The following EMP2 variants were observed in gnomAD, a reference collection of about 807,000 sequenced individuals.
The protein encoded by EMP2 is epithelial membrane protein 2.
A neutral mutation model predicts 13.7 loss-of-function variants in EMP2; 19 were observed. The observed-to-expected ratio is 1.38, with a 90% CI of 0.97 to 2.03. The LOEUF is 2.03. EMP2 is among the 30% of genes most tolerant of loss of function. The pLI is 0.00. For missense variants in EMP2, 253 were observed against 220.7 expected, an observed-to-expected ratio of 1.15 and a Z score of -0.93; for synonymous variants, 97 against 84.7, an observed-to-expected ratio of 1.15 and a Z score of -0.80.
At chr16:10,540,435 G>T (rs2050685739) in intron 3 of EMP2, among the ~76,000 whole-genome samples, 1 of 152,122 alleles carries the variant, frequency 6.6e-6, no homozygotes, top group Non-Finnish European at 1.5e-5. Context: ...GAACCCAGAA[G>T]GCGGGGACTG....
chr16:10,573,025 G>A (rs2050958418), intron 1 of EMP2, among the ~76,000 whole-genome samples: 1 of 152,128 alleles, frequency 6.6e-6, no homozygotes, highest in African/African-American at 2.4e-5. Context: ...GAAAGGGAGT[G>A]GTCAGCATGG....
At chr16:10,574,830 G>A (rs1048755298) in intron 1 of EMP2, among the ~76,000 whole-genome samples, 5 of 152,178 alleles carry the variant, frequency 3.3e-5, no homozygotes, top group South Asian at 4.2e-4. Context: ...GATTATAGGC[G>A]TGAGCCACCG....
rs61122473 is a variant in EMP2 at position 10,543,833 on chromosome 16, G to A, written c.79-173C>T. ...ACTGACTCAGGAGGTCTGGGGTGGG[G>A]ACTGGGATTCTGCATTTCTTTCTTT... On this transcript the variant is annotated intron_variant, in intron 2 of 4. Coordinates refer to ENST00000359543, the MANE Select transcript of EMP2 (RefSeq NM_001424.6). Among the ~76,000 whole-genome samples, 11,869 of 152,166 alleles carry A rather than the reference G, an allele frequency of 0.078. 893 individuals carry two copies. Among genetic ancestry groups the A allele is most frequent in the African/African-American group, 0.2 (8,222 of 41,490 alleles).
intron 2 of EMP2, chr16:10,547,316 C>T (rs1191567197): frequency 1.9e-6 from 1 of 515,852 alleles, no homozygotes; most frequent in Admixed American, 3.3e-5. Context: ...CCTGCACACG[C>T]TCTCTTGCCT....
chr16:10,575,912 T>C (rs968756065), intron 1 of EMP2, among the ~76,000 whole-genome samples: 4 of 151,996 alleles, frequency 2.6e-5, no homozygotes, highest in Non-Finnish European at 5.9e-5. Context: ...AAGGGCTTGG[T>C]CTGGAAGCTC....
chr16:10,543,734 A>C (rs1483594496), intron 2 of EMP2, 74 bp from the exon 3 acceptor site: 1 of 1,431,272 alleles, frequency 7.0e-7, no homozygotes, highest in Admixed American at 1.7e-5. Flanking sequence ...ATTAGGCACG[A>C]GGCATGGTGG....
intron 4 of EMP2, among the ~76,000 whole-genome samples, chr16:10,533,400 T>C (rs1309141552): frequency 6.6e-6 from 1 of 152,208 alleles, no homozygotes; most frequent in East Asian, 1.9e-4. Context: ...ACTGATATTT[T>C]GTGGAAGGAT....
chr16:10,534,797 A>C (rs1281063749), intron 4 of EMP2, among the ~76,000 whole-genome samples: 1 of 152,216 alleles, frequency 6.6e-6, no homozygotes, highest in East Asian at 1.9e-4. Flanking sequence ...TTGCTGTCCC[A>C]ATATTTACAG....
At chr16:10,570,145 C>T (rs1391699381) in intron 1 of EMP2, among the ~76,000 whole-genome samples, 7 of 151,480 alleles carry the variant, frequency 4.6e-5, no homozygotes, top group Non-Finnish European at 2.9e-5. Context: ...TGGGCTTAAA[C>T]AAATACCATC....
chr16:10,541,030 G>A (rs1222306157), intron 3 of EMP2, among the ~76,000 whole-genome samples: 1 of 152,038 alleles, frequency 6.6e-6, no homozygotes, highest in Non-Finnish European at 1.5e-5. Flanking sequence ...AGAGGTTACA[G>A]TGAGCTGTGA....
At chr16:10,562,336 TTCTCTCTCTCTCTCTCTCTCTCTC>T (rs540802206) in intron 1 of EMP2, among the ~76,000 whole-genome samples, 1 of 124,110 alleles carries the variant, frequency 8.1e-6, no homozygotes, top group Non-Finnish European at 1.6e-5. Flanking sequence ...CTCATGCATG[TTCTCTCTCTCTCTCTCTCTCTCTC>T]TCTCTCTCTC....
intron 4 of EMP2, among the ~76,000 whole-genome samples, chr16:10,534,429 C>A (rs1298301486): frequency 6.6e-6 from 1 of 152,188 alleles, no homozygotes; most frequent in African/African-American, 2.4e-5. Flanking sequence ...ACAGTTAATT[C>A]GATTTTCTCT....
intron 1 of EMP2, among the ~76,000 whole-genome samples, chr16:10,572,959 C>A (rs963468393): frequency 6.6e-6 from 1 of 152,178 alleles, no homozygotes; most frequent in Admixed American, 6.5e-5. Context: ...CAACTGGGAC[C>A]CCAAAGCATC....
chr16:10,574,839 C>T (rs532758951), intron 1 of EMP2, among the ~76,000 whole-genome samples: 33 of 152,232 alleles, frequency 2.2e-4, no homozygotes, highest in African/African-American at 4.8e-4. Flanking sequence ...CGTGAGCCAC[C>T]GTGCCCGGCC....
intron 1 of EMP2, among the ~76,000 whole-genome samples, chr16:10,549,725 A>G (rs76313055): frequency 2.2e-5 from 1 of 45,976 alleles, no homozygotes; most frequent in Non-Finnish European, 4.5e-5. Context: ...GCACACACAC[A>G]CACTCACACA....
intron 2 of EMP2, 73 bp downstream of exon 2, chr16:10,547,467 C>A: frequency 6.6e-7 from 1 of 1,504,082 alleles, no homozygotes; most frequent in Non-Finnish European, 9.2e-7. Flanking sequence ...AGCATGAGAA[C>A]AGACCAATAC....
At chr16:10,545,669 A>C (rs1383126180) in intron 2 of EMP2, 1 of 152,344 alleles carries the variant, frequency 6.6e-6, no homozygotes, top group African/African-American at 2.4e-5. Context: ...CACTGATTCC[A>C]CATTATGACG....
intron 1 of EMP2, among the ~76,000 whole-genome samples, chr16:10,569,709 G>A (rs1002609152): frequency 1.3e-4 from 20 of 152,152 alleles, no homozygotes; most frequent in Non-Finnish European, 2.5e-4. Flanking sequence ...AAATGAACAC[G>A]AGCATAATAC....
At chr16:10,567,285 G>A (rs2050912768) in intron 1 of EMP2, among the ~76,000 whole-genome samples, 1 of 152,212 alleles carries the variant, frequency 6.6e-6, no homozygotes, top group Non-Finnish European at 1.5e-5. Context: ...AGTGAGGGAT[G>A]CTGTTTTCAA....
Sources: gnomAD v4.1 joint callset for allele counts (sites outside exome capture counted in the v4.1 genomes callset) on GRCh38, gnomAD v4.1.1 for gene constraint, MANE v1.5 for transcripts, NCBI Gene and HGNC (gene_info 2026-07-23, HGNC 2026-07-21) for gene names.